RGS7: variants seen among roughly 807,000 people sequenced by gnomAD.
The protein encoded by RGS7 is regulator of G-protein signaling 7.
A neutral mutation model predicts 81.1 loss-of-function variants in RGS7; 27 were observed. The ratio of observed to expected loss-of-function variants is 0.33; its 90% CI spans 0.25 to 0.46. RGS7 has a LOEUF of 0.46. Ranked by LOEUF, RGS7 falls within the 20% of genes least tolerant of loss-of-function variation. The pLI, the probability that RGS7 is intolerant of heterozygous loss-of-function variation, is 1.00. For missense variants in RGS7, 396 were observed against 607.4 expected (o/e 0.65, Z 3.66); for synonymous variants, 208 against 207.7 (o/e 1.00, Z -0.01).
At chr1:241,275,551 T>TTC (rs565227942) in intron 2 of RGS7, among the ~76,000 whole-genome samples, 675 of 152,298 alleles carry the variant, frequency 4.4e-3, no homozygotes, top group Non-Finnish European at 8.0e-3. Flanking sequence ...GAGGCCGTCC[T>TTC]TCTCTCTCTC....
intron 2 of RGS7, among the ~76,000 whole-genome samples, chr1:241,306,058 A>G (rs1055127657): frequency 6.6e-6 from 1 of 152,068 alleles, no homozygotes; most frequent in Non-Finnish European, 1.5e-5. Flanking sequence ...GAATAACGAG[A>G]AGAGAGGTTA....
chr1:240,925,291 C>T (rs992137522), intron 6 of RGS7, among the ~76,000 whole-genome samples: 1 of 152,038 alleles, frequency 6.6e-6, no homozygotes, highest in Non-Finnish European at 1.5e-5. Flanking sequence ...TTCCCCCCAC[C>T]AGTACCTGCC....
At chr1:240,821,369 T>C (rs1486135982) in intron 10 of RGS7, among the ~76,000 whole-genome samples, 3 of 152,124 alleles carry the variant, frequency 2.0e-5, no homozygotes, top group Non-Finnish European at 4.4e-5. Flanking sequence ...GGAGAATCAC[T>C]TGAACCTGCG....
intron 2 of RGS7, among the ~76,000 whole-genome samples, chr1:241,308,329 A>C (rs1443702024): frequency 6.6e-6 from 1 of 152,236 alleles, no homozygotes; most frequent in Non-Finnish European, 1.5e-5. Context: ...ACCACCAAAA[A>C]TATCAGCCTA....
intron 2 of RGS7, among the ~76,000 whole-genome samples, chr1:241,108,082 C>T (rs1028919593): frequency 5.3e-5 from 6 of 113,852 alleles, no homozygotes; most frequent in Non-Finnish European, 9.9e-5. Context: ...ATCACAAGGT[C>T]AGGAGTTTGA....
intron 2 of RGS7, among the ~76,000 whole-genome samples, chr1:241,328,477 T>TA (rs1329700779): frequency 1.3e-5 from 2 of 152,228 alleles, no homozygotes; most frequent in African/African-American, 2.4e-5. Context: ...ATATCTGTCC[T>TA]AGTGGACTGG....
intron 2 of RGS7, among the ~76,000 whole-genome samples, chr1:241,319,476 A>G (rs765203989): frequency 6.6e-5 from 10 of 152,186 alleles, no homozygotes; most frequent in Non-Finnish European, 5.9e-5. Context: ...TTCCAAGTTT[A>G]CATAATGATT....
intron 9 of RGS7, among the ~76,000 whole-genome samples, chr1:240,860,869 G>A (rs963394208): frequency 3.9e-5 from 6 of 151,980 alleles, no homozygotes; most frequent in African/African-American, 1.4e-4. Flanking sequence ...ACAAGATCTC[G>A]CTCCATCTGA....
At position 240,863,655 on chromosome 1, in the gene RGS7, A is replaced by G. The variant is rs138426965; in HGVS notation, c.609+4932T>C. On this transcript the variant is annotated intron_variant, in intron 9 of 18. Coordinates refer to ENST00000440928, the MANE Select transcript of RGS7 (RefSeq NM_001364886.1). ...CATCCCTGGCAGGGGTATTCTACAC[A>G]TGTTAGTTGGATTCCCCTAGGTCAG... Among the ~76,000 whole-genome samples, 474 of 152,224 alleles carry G rather than the reference A, an allele frequency of 3.1e-3. 3 individuals are homozygous for G. Among genetic ancestry groups the G allele is most frequent in the African/African-American group, 0.011 (439 of 41,536 alleles).
intron 2 of RGS7, among the ~76,000 whole-genome samples, chr1:241,130,120 T>A (rs2066969175): frequency 6.6e-6 from 1 of 152,154 alleles, no homozygotes; most frequent in Admixed American, 6.5e-5. Flanking sequence ...GTCATTGTAG[T>A]TGGAGCTATT....
chr1:241,012,114 T>C (rs527754398), intron 3 of RGS7, among the ~76,000 whole-genome samples: 13 of 152,170 alleles, frequency 8.5e-5, no homozygotes, highest in Non-Finnish European at 1.5e-4. Context: ...ACAGTAGTAA[T>C]GGGGTGGTGT....
rs12022094 is a variant in RGS7, at chr1:240,835,851, C to T, written c.610-8679G>A. 1.0e-3 allele frequency among the ~76,000 whole-genome samples: 159 copies of T among 152,208 alleles called. No individual in the cohort carries two copies. The East Asian group carries it at 0.028, about 27-fold the overall frequency. On this transcript the variant is annotated intron_variant, in intron 9 of 18. Transcript: ENST00000440928. ...CAATCTGAAAAAGCCACAGATTGTA[C>T]GATTCCAATCATATGACATTCTGGA...
rs141558256 is a variant in RGS7, at chr1:241,211,495, A to G, written c.79-112733T>C. Among the ~76,000 whole-genome samples the G allele has an allele frequency of 1.2e-4, 18 of 152,320 alleles. No individual in the cohort carries two copies. The East Asian group carries it at 3.5e-3, about 29-fold the overall frequency. ...AGTGAGCAACACGAGGTGGTGGGAC[A>G]AAAGCCATTCCTTTAAGTGTCCTCT... is the stretch of plus-strand genomic sequence containing the variant. On this transcript the variant is annotated intron_variant, in intron 2 of 18. Transcript: ENST00000440928.
At chr1:240,957,050 C>T (rs144037845) in intron 4 of RGS7, among the ~76,000 whole-genome samples, 111 of 152,246 alleles carry the variant, frequency 7.3e-4, no homozygotes, top group African/African-American at 2.6e-3. Flanking sequence ...ATTGTTCCTG[C>T]GTGCGTCTGT....
chr1:241,216,556 A>G (rs1449298566), intron 2 of RGS7, among the ~76,000 whole-genome samples: 1 of 152,170 alleles, frequency 6.6e-6, no homozygotes, highest in Non-Finnish European at 1.5e-5. Flanking sequence ...AAGAAAATAT[A>G]TGGTTTTCTT....
intron 2 of RGS7, among the ~76,000 whole-genome samples, chr1:241,099,279 G>A (rs965045517): frequency 2.5e-4 from 38 of 152,090 alleles, no homozygotes; most frequent in African/African-American, 5.5e-4. Flanking sequence ...TCTCTTGCCC[G>A]GGTACTTACT....
At chr1:240,926,170 G>A (rs1291708965) in intron 6 of RGS7, among the ~76,000 whole-genome samples, 1 of 151,962 alleles carries the variant, frequency 6.6e-6, no homozygotes, top group Non-Finnish European at 1.5e-5. Flanking sequence ...GTCAATTTTG[G>A]TTTCTCTTGC....
rs113854455 is a variant in RGS7, at chr1:241,184,762, C to CA, written c.79-86001dup. 2.4e-3 allele frequency among the ~76,000 whole-genome samples: 359 copies of CA among 149,688 alleles called. 4 individuals carry two copies. In the South Asian group the frequency reaches 0.031, roughly 13 times the overall value. Reference sequence around the variant, plus strand: ...ATGAACGTGCAAACATTCCAAAATCCAAAAAAAAACCCCGAATTCAAAACA... The same window carrying CA: ...ATGAACGTGCAAACATTCCAAAATCCAAAAAAAAAACCCCGAATTCAAAACA... On this transcript the variant is annotated intron_variant, in intron 2 of 18. Transcript: ENST00000440928.
At chr1:241,255,007 A>G (rs1006514217) in intron 2 of RGS7, among the ~76,000 whole-genome samples, 5 of 152,220 alleles carry the variant, frequency 3.3e-5, no homozygotes, top group Non-Finnish European at 5.9e-5. Flanking sequence ...GGCCTCATGG[A>G]GAATAGAAGA....
Sources: allele counts gnomAD v4.1 joint callset (sites outside exome capture counted in the v4.1 genomes callset), GRCh38; gene constraint gnomAD v4.1.1; transcripts MANE v1.5; gene names NCBI Gene and HGNC (gene_info 2026-07-23, HGNC 2026-07-21).